The following KIRREL3 variants were observed in gnomAD, a reference collection of about 807,000 sequenced individuals.
KIRREL3 encodes kin of IRRE-like protein 3.
KIRREL3 carries 36 observed loss-of-function variants against 89.7 expected under a neutral mutation model. The ratio of observed to expected loss-of-function variants is 0.40; its 90% CI spans 0.31 to 0.53. KIRREL3 has a LOEUF of 0.53. Ranked by LOEUF, KIRREL3 falls within the 20% of genes least tolerant of loss-of-function variation. KIRREL3 has a pLI of 0.49. For synonymous variants in KIRREL3, 445 were observed against 441.4 expected (o/e 1.01, Z -0.10); for missense variants, 864 against 1,056.6 (o/e 0.82, Z 2.53).
In KIRREL3 at chr11:126,427,784, C is replaced by T. The variant is rs1470055338; in HGVS notation, c.1806+1395G>A. Among the ~76,000 whole-genome samples, 1 of 151,970 alleles carries T rather than the reference C, an allele frequency of 6.6e-6. No homozygotes were observed. Among genetic ancestry groups the T allele is most frequent in the African/African-American group, 2.4e-5 (1 of 41,346 alleles). On this transcript the variant is annotated intron_variant, in intron 15 of 16. Transcript: ENST00000525144. This position sits in a 1 kb window ranked among gnomAD's most constrained non-coding sequence, Gnocchi z 5.3. ...AGAAAGGCTGCTTTCTCAAGGCTCTCGAGGGTGGATTGAGAAAAGAGACAA... is the reference window on the plus strand; with the variant it reads ...AGAAAGGCTGCTTTCTCAAGGCTCTTGAGGGTGGATTGAGAAAAGAGACAA...
chr11:126,825,344 C>T lies in KIRREL3; in HGVS notation c.55+175111G>A, dbSNP rs143122659. 5.5e-3 allele frequency among the ~76,000 whole-genome samples: 830 copies of T among 152,156 alleles called. 6 individuals carry two copies. Among genetic ancestry groups the T allele is most frequent in the African/African-American group, 0.018 (740 of 41,518 alleles). ...TAAAATATGAATATAAAACAAAATACCTAGGATTACAAAAGCCAGTTATTA... is the reference window on the plus strand; with the variant it reads ...TAAAATATGAATATAAAACAAAATATCTAGGATTACAAAAGCCAGTTATTA... On this transcript the variant is annotated intron_variant, in intron 1 of 16. Transcript: ENST00000525144.
At position 126,766,218 on chromosome 11, in the gene KIRREL3, C is replaced by T. The variant is rs1458638098; in HGVS notation, c.56-203306G>A. Among the ~76,000 whole-genome samples the T allele has an allele frequency of 6.6e-6, 1 of 152,012 alleles. No homozygotes were observed. Among genetic ancestry groups the T allele is most frequent in the African/African-American group, 2.4e-5 (1 of 41,390 alleles). On this transcript the variant is annotated intron_variant, in intron 1 of 16. Transcript: ENST00000525144. This position sits in a 1 kb window ranked among gnomAD's most constrained non-coding sequence, Gnocchi z 4.2. ...TCCTCCCCTCTCTTCTCCTTGTCTT[C>T]CTGGCCCTCAGTTGGCTGAGAACAG... is the stretch of plus-strand genomic sequence containing the variant.
In KIRREL3 at chr11:126,656,206, C is replaced by T. The variant is rs780030673; in HGVS notation, c.56-93294G>A. 2.2e-6 allele frequency: 1 copy of T among 455,788 alleles called. No homozygotes were observed. The highest frequency in any genetic ancestry group is 2.0e-5 in the African/African-American group (1 of 50,052). The allele number at this position is 455,788 out of a possible 1,614,324, so 28.2% of individuals were successfully genotyped here. ...GTCAGGGAGGGCTACAGAGTTAGGA[C>T]TCCGAAGTCAGAAAGATGCCTGTTG... is the stretch of plus-strand genomic sequence containing the variant. On this transcript the variant is annotated intron_variant, in intron 1 of 16. Coordinates refer to ENST00000525144, the MANE Select transcript of KIRREL3 (RefSeq NM_032531.4). The surrounding 1 kb of genome is among the most constrained non-coding windows in gnomAD (Gnocchi z 4.0).
At chr11:126,445,141 G>A (rs752516915) in intron 9 of KIRREL3, 36 bp from the exon 10 acceptor site, 3 of 1,610,004 alleles carry the variant, frequency 1.9e-6, no homozygotes, top group Non-Finnish European at 1.7e-6. Flanking sequence ...CCAAGAGCAG[G>A]CGGAGGGGTG....
At chr11:126,829,546 C>T (rs1943534172) in intron 1 of KIRREL3, among the ~76,000 whole-genome samples, 1 of 152,048 alleles carries the variant, frequency 6.6e-6, no homozygotes, top group African/African-American at 2.4e-5. Flanking sequence ...TCTTACCTGC[C>T]CTGGAGTTAC....
rs903329878 is a variant in KIRREL3 at position 126,526,482 on chromosome 11, G to C, written c.283+56C>G. On this transcript the variant is annotated intron_variant, in intron 3 of 16. Transcript: ENST00000525144. This position sits in a 1 kb window ranked among gnomAD's most constrained non-coding sequence, Gnocchi z 5.7. ...TGGGTGCTCCCTAGGAAGGTGGATG[G>C]GTGAGTAAGGAAGTGATGGCCCCAG... The C allele has an allele frequency of 5.8e-6, 9 of 1,545,466 alleles. No homozygotes were observed. Among genetic ancestry groups the C allele is most frequent in the Non-Finnish European group, 8.0e-6 (9 of 1,129,806 alleles).
rs1318254680 is a variant in KIRREL3, at chr11:126,574,773, G to T, written c.56-11861C>A. On this transcript the variant is annotated intron_variant, in intron 1 of 16. Transcript: ENST00000525144. This position sits in a 1 kb window ranked among gnomAD's most constrained non-coding sequence, Gnocchi z 5.3. ...CCCTTGAAAAGAAAATGCTGCTTAT[G>T]AACCACTTCCACCCTTGCCTACCTA... is the stretch of plus-strand genomic sequence containing the variant. 6.6e-6 allele frequency among the ~76,000 whole-genome samples: 1 copy of T among 152,174 alleles called. No individual in the cohort carries two copies. The highest frequency in any genetic ancestry group is 2.4e-5 in the African/African-American group (1 of 41,430).
intron 11 of KIRREL3, 93 bp downstream of exon 11, chr11:126,440,356 G>C: frequency 9.4e-7 from 1 of 1,058,286 alleles, no homozygotes; most frequent in Non-Finnish European, 1.4e-6. Context: ...GAACCTCGGA[G>C]GTGTGCACCG....
chr11:126,676,216 A>G lies in KIRREL3; in HGVS notation c.56-113304T>C, dbSNP rs936698239. 5.3e-5 allele frequency among the ~76,000 whole-genome samples: 8 copies of G among 152,156 alleles called. No individual in the cohort carries two copies. The highest frequency in any genetic ancestry group is 1.9e-4 in the African/African-American group (8 of 41,420). ...GTGTCATCAGCATCAAGGTGCTAGT[A>G]ACTATCACGGGCAAAGATGAAATCA... On this transcript the variant is annotated intron_variant, in intron 1 of 16. Coordinates refer to ENST00000525144, the MANE Select transcript of KIRREL3 (RefSeq NM_032531.4). This position sits in a 1 kb window ranked among gnomAD's most constrained non-coding sequence, Gnocchi z 4.5.
Position 126,566,590 on chromosome 11 carries a change from A to C in KIRREL3, c.56-3678T>G, listed in dbSNP as rs1354538885. 1.3e-5 allele frequency among the ~76,000 whole-genome samples: 2 copies of C among 152,246 alleles called. No homozygotes were observed. Among genetic ancestry groups the C allele is most frequent in the African/African-American group, 4.8e-5 (2 of 41,468 alleles). On this transcript the variant is annotated intron_variant, in intron 1 of 16. Transcript: ENST00000525144. This position sits in a 1 kb window ranked among gnomAD's most constrained non-coding sequence, Gnocchi z 4.9. The stretch of plus-strand genomic sequence containing the variant: ...GCAGAGGTTGGTTGTAGAGTGAATG[A>C]AACTTGTAGCTCATTGGAAGAGAAG...
upstream of KIRREL3, among the ~76,000 whole-genome samples, chr11:127,002,664 A>G (rs993369211): frequency 6.6e-6 from 1 of 152,212 alleles, no homozygotes; most frequent in Non-Finnish European, 1.5e-5. Flanking sequence ...CCATTCTTGC[A>G]GGGAATAGGA....
intron 2 of KIRREL3, among the ~76,000 whole-genome samples, chr11:126,539,928 G>C (rs187681101): frequency 1.4e-4 from 21 of 152,174 alleles, no homozygotes; most frequent in Non-Finnish European, 2.8e-4. Context: ...TATCTAAGAG[G>C]GACAAGGTTA....
rs1269380315 is a variant in KIRREL3, at chr11:126,710,915, G to C, written c.56-148003C>G. ...AATGTCTTGACAGTAGTCTCAACCT[G>C]ATAGGCCTCTTCACAATGTGCAGGC... On this transcript the variant is annotated intron_variant, in intron 1 of 16. Coordinates refer to ENST00000525144, the MANE Select transcript of KIRREL3 (RefSeq NM_032531.4). This position sits in a 1 kb window ranked among gnomAD's most constrained non-coding sequence, Gnocchi z 4.2. Among the ~76,000 whole-genome samples the C allele has an allele frequency of 6.6e-6, 1 of 152,182 alleles. No individual in the cohort carries two copies. The highest frequency in any genetic ancestry group is 1.9e-4 in the East Asian group (1 of 5,192).
rs192215485 is a variant in KIRREL3, at chr11:126,796,411, T to G, written c.55+204044A>C. 6.6e-6 allele frequency among the ~76,000 whole-genome samples: 1 copy of G among 152,192 alleles called. No homozygotes were observed. Among genetic ancestry groups the G allele is most frequent in the African/African-American group, 2.4e-5 (1 of 41,532 alleles). ...GCCCGTCCTGTCCCGCAGCATTGGG[T>G]GTGGAGGAAGGCTGAAGGAGGGGAC... On this transcript the variant is annotated intron_variant, in intron 1 of 16. Coordinates refer to ENST00000525144, the MANE Select transcript of KIRREL3 (RefSeq NM_032531.4). This position sits in a 1 kb window ranked among gnomAD's most constrained non-coding sequence, Gnocchi z 5.1.
At chr11:126,910,307 C>T (rs1037247241) in intron 1 of KIRREL3, among the ~76,000 whole-genome samples, 2 of 152,094 alleles carry the variant, frequency 1.3e-5, no homozygotes, top group African/African-American at 4.8e-5. Flanking sequence ...AAGAGGCAGC[C>T]AAGGTACAGT....
Position 126,677,578 on chromosome 11 carries a change from A to G in KIRREL3, c.56-114666T>C, listed in dbSNP as rs966933799. ...GACAGTCAGTGGAAGCACGCTGAAC[A>G]GGGAGGGGCACCCAGCTCTGTCTGG... On this transcript the variant is annotated intron_variant, in intron 1 of 16. Coordinates refer to ENST00000525144, the MANE Select transcript of KIRREL3 (RefSeq NM_032531.4). The surrounding 1 kb of genome is among the most constrained non-coding windows in gnomAD (Gnocchi z 5.1). Among the ~76,000 whole-genome samples the G allele has an allele frequency of 2.0e-5, 3 of 152,160 alleles. No homozygotes were observed. Among genetic ancestry groups the G allele is most frequent in the Admixed American group, 6.5e-5 (1 of 15,276 alleles).
intron 1 of KIRREL3, among the ~76,000 whole-genome samples, chr11:126,854,126 T>TTTTGTGTG (rs1555060276): frequency 1.8e-3 from 259 of 144,014 alleles, no homozygotes; most frequent in South Asian, 5.1e-3. Context: ...AATAAGTTTC[T>TTTTGTGTG]TGTGTGTGTG....
chr11:126,624,310 G>A lies in KIRREL3; in HGVS notation c.56-61398C>T, dbSNP rs1462097790. Among the ~76,000 whole-genome samples the A allele has an allele frequency of 6.6e-6, 1 of 152,134 alleles. No individual in the cohort carries two copies. Among genetic ancestry groups the A allele is most frequent in the Non-Finnish European group, 1.5e-5 (1 of 68,014 alleles). Reference sequence around the variant, plus strand: ...TATTCTCCCCAAACAGATCATTCTTGTCTTCTCCTCTGATTTCCACTAGGA... The same window carrying A: ...TATTCTCCCCAAACAGATCATTCTTATCTTCTCCTCTGATTTCCACTAGGA... On this transcript the variant is annotated intron_variant, in intron 1 of 16. Coordinates refer to ENST00000525144, the MANE Select transcript of KIRREL3 (RefSeq NM_032531.4). This position sits in a 1 kb window ranked among gnomAD's most constrained non-coding sequence, Gnocchi z 6.0.
At chr11:126,884,135 C>T (rs1223104371) in intron 1 of KIRREL3, among the ~76,000 whole-genome samples, 1 of 152,146 alleles carries the variant, frequency 6.6e-6, no homozygotes, top group African/African-American at 2.4e-5. Flanking sequence ...TCTCTAGTAC[C>T]GTGGTTCTCA....
Sources: gnomAD v4.1 joint callset for allele counts (sites outside exome capture counted in the v4.1 genomes callset) on GRCh38, gnomAD v4.1.1 for gene constraint, Gnocchi (gnomAD v3.1) non-coding constraint, MANE v1.5 for transcripts, NCBI Gene and HGNC (gene_info 2026-07-23, HGNC 2026-07-21) for gene names.